Variants in DHRSX observed in about 807,000 individuals in gnomAD.
DHRSX encodes dehydrogenase/reductase X-linked.
A neutral mutation model predicts 34.0 loss-of-function variants in DHRSX; 31 were observed. The observed-to-expected ratio is 0.91, with a 90% CI of 0.69 to 1.23. The LOEUF is 1.23. Among genes scored for constraint, DHRSX ranks in the 50% most tolerant of loss-of-function variants. The pLI, the probability that DHRSX is intolerant of heterozygous loss-of-function variation, is 0.00. For missense variants in DHRSX, 414 were observed against 428.1 expected (o/e 0.97, Z 0.29); for synonymous variants, 201 against 183.8 (o/e 1.09, Z -0.76).
chrX:2,347,676 C>CGA lies in DHRSX; in HGVS notation c.287-56075_287-56074dup, dbSNP rs1211941562. Among the ~76,000 whole-genome samples the CGA allele has an allele frequency of 3.3e-5, 5 of 152,148 alleles. No individual in the cohort carries two copies. The East Asian group carries it at 9.7e-4, about 29-fold the overall frequency. On this transcript the variant is annotated intron_variant, in intron 3 of 6. Coordinates refer to ENST00000334651, the MANE Select transcript of DHRSX (RefSeq NM_145177.3). ...GCCACGGCACTCCAGCCTGAGTGAGCGAGACTCTGTCTCTAAATAAATAAA... is the reference window on the plus strand; with the variant it reads ...GCCACGGCACTCCAGCCTGAGTGAGCGAGAGACTCTGTCTCTAAATAAATAAA...
intron 3 of DHRSX, among the ~76,000 whole-genome samples, chrX:2,344,904 T>C (rs1045402191): frequency 3.5e-5 from 4 of 114,358 alleles, no homozygotes; most frequent in African/African-American, 6.1e-5. Context: ...TATATATATA[T>C]ATATATATAT....
intron 3 of DHRSX, among the ~76,000 whole-genome samples, chrX:2,318,672 C>T (rs780188863): frequency 1.3e-5 from 2 of 151,822 alleles, no homozygotes; most frequent in Admixed American, 6.6e-5. Flanking sequence ...TTCCCAGAAC[C>T]GCCCACCGGC....
chrX:2,379,842 G>A (rs2043184010), intron 3 of DHRSX, among the ~76,000 whole-genome samples: 2 of 152,006 alleles, frequency 1.3e-5, no homozygotes, highest in South Asian at 4.2e-4. Context: ...TGAACACAGA[G>A]GGATATTTGC....
At position 2,373,302 on chromosome X, in the gene DHRSX, C is replaced by G. The variant is rs192722866; in HGVS notation, c.286+35443G>C. Among the ~76,000 whole-genome samples the G allele has an allele frequency of 3.3e-3, 505 of 152,284 alleles. 13 individuals are homozygous for G. The highest frequency in any genetic ancestry group is 0.029 in the Admixed American group (451 of 15,298). On this transcript the variant is annotated intron_variant, in intron 3 of 6. Coordinates refer to ENST00000334651, the MANE Select transcript of DHRSX (RefSeq NM_145177.3). The stretch of plus-strand genomic sequence containing the variant: ...GTGGGTGGGGACACAGCCATCCCAT[C>G]GTTACAGAGATTGTTGCAAGTTTGC...
chrX:2,335,832 T>C (rs992800655), intron 3 of DHRSX, among the ~76,000 whole-genome samples: 1 of 152,010 alleles, frequency 6.6e-6, no homozygotes, highest in African/African-American at 2.4e-5. Flanking sequence ...CTTAGTGATT[T>C]GGGGACCCCA....
intron 4 of DHRSX, among the ~76,000 whole-genome samples, chrX:2,284,437 T>C (rs2041779913): frequency 6.6e-6 from 1 of 151,146 alleles, no homozygotes; most frequent in Non-Finnish European, 1.5e-5. Context: ...AATGAATGGG[T>C]GAATGAAGAA....
intron 1 of DHRSX, among the ~76,000 whole-genome samples, chrX:2,456,143 T>C (rs2044293181): frequency 6.6e-6 from 1 of 152,026 alleles, no homozygotes; most frequent in Admixed American, 6.6e-5. Flanking sequence ...ACCACAGGGG[T>C]GACCCCAGAA....
At chrX:2,333,483 C>G (rs1362220339) in intron 3 of DHRSX, among the ~76,000 whole-genome samples, 2 of 152,124 alleles carry the variant, frequency 1.3e-5, no homozygotes, top group Non-Finnish European at 2.9e-5. Context: ...GGTGCGATCC[C>G]GGCTCACTGC....
chrX:2,259,617 G>C (rs1210346624), intron 5 of DHRSX, among the ~76,000 whole-genome samples: 3 of 152,118 alleles, frequency 2.0e-5, no homozygotes, highest in African/African-American at 7.2e-5. Flanking sequence ...AATTCATCCA[G>C]TGAAGTGATA....
chrX:2,340,338 A>G (rs1403398785), intron 3 of DHRSX, among the ~76,000 whole-genome samples: 1 of 152,034 alleles, frequency 6.6e-6, no homozygotes, highest in Non-Finnish European at 1.5e-5. Flanking sequence ...TTAAAGTATA[A>G]TAATAAAAAA....
chrX:2,452,085 C>T (rs1164037269), intron 1 of DHRSX, among the ~76,000 whole-genome samples: 2 of 151,328 alleles, frequency 1.3e-5, no homozygotes, highest in East Asian at 1.9e-4. Context: ...AAGGGATCGC[C>T]GCCATGTACT....
intron 1 of DHRSX, among the ~76,000 whole-genome samples, chrX:2,476,757 A>G (rs1442867919): frequency 6.6e-6 from 1 of 152,198 alleles, no homozygotes; most frequent in Non-Finnish European, 1.5e-5. Context: ...TAATCCCAGC[A>G]TTTTGGGAGG....
intron 3 of DHRSX, among the ~76,000 whole-genome samples, chrX:2,303,877 G>A (rs181523837): frequency 0.22 from 12,409 of 55,244 alleles, 2,095 homozygotes; most frequent in African/African-American, 0.54. Context: ...GGGTGGATGG[G>A]TGGATGGATG....
intron 3 of DHRSX, among the ~76,000 whole-genome samples, chrX:2,396,131 C>T (rs892794348): frequency 3.3e-5 from 5 of 152,040 alleles, no homozygotes; most frequent in African/African-American, 1.2e-4. Context: ...TCTGTCTCCA[C>T]AAGGCCTTCT....
chrX:2,246,138 G>A (rs1420910203), intron 5 of DHRSX, among the ~76,000 whole-genome samples: 1 of 151,916 alleles, frequency 6.6e-6, no homozygotes, highest in Non-Finnish European at 1.5e-5. Context: ...GGTTCACAAA[G>A]CCATCTCAGA....
intron 1 of DHRSX, among the ~76,000 whole-genome samples, chrX:2,448,207 G>T (rs963647548): frequency 6.6e-6 from 1 of 151,312 alleles, no homozygotes; most frequent in Non-Finnish European, 1.5e-5. Flanking sequence ...GTGTGGTGGT[G>T]TGCACCTGTA....
At chrX:2,489,749 T>C (rs760785087) in intron 1 of DHRSX, 1 of 1,613,322 alleles carries the variant, frequency 6.2e-7, no homozygotes, top group Admixed American at 1.7e-5. Flanking sequence ...CACGGCAGAC[T>C]GCTGGAAGTA....
chrX:2,428,162 G>A (rs770961274), intron 1 of DHRSX, among the ~76,000 whole-genome samples: 69 of 152,240 alleles, frequency 4.5e-4, no homozygotes, highest in African/African-American at 1.5e-3. Flanking sequence ...TACCATGTAC[G>A]TTATTTGAGT....
intron 3 of DHRSX, among the ~76,000 whole-genome samples, chrX:2,399,419 A>AAC (rs1569497221): frequency 2.0e-5 from 3 of 151,750 alleles, no homozygotes; most frequent in Admixed American, 6.6e-5. Flanking sequence ...AAAAAAAAAA[A>AAC]ACACAGGCCA....
Sources: gnomAD v4.1 joint callset for allele counts (sites outside exome capture counted in the v4.1 genomes callset) on GRCh38, gnomAD v4.1.1 for gene constraint, MANE v1.5 for transcripts, NCBI Gene and HGNC (gene_info 2026-07-23, HGNC 2026-07-21) for gene names.